Variants in CFAP43 observed in about 807,000 individuals in gnomAD.
The protein encoded by CFAP43 is cilia- and flagella-associated protein 43.
CFAP43 carries 155 observed loss-of-function variants against 218.9 expected under a neutral mutation model. The observed-to-expected ratio is 0.71, with a 90% CI of 0.62 to 0.81. The LOEUF (loss-of-function observed/expected upper bound fraction) is 0.81, where lower values mean the gene tolerates loss of function less well. CFAP43 is among the 30% of genes least tolerant of loss of function. CFAP43 has a pLI of 0.00. For missense variants in CFAP43, 1,778 were observed against 1,954.3 expected (o/e 0.91, Z 1.70); for synonymous variants, 645 against 681.3 (o/e 0.95, Z 0.83).
At chr10:104,176,915 TA>T (rs2089650934) in intron 19 of CFAP43, among the ~76,000 whole-genome samples, 1 of 151,906 alleles carries the variant, frequency 6.6e-6, no homozygotes, top group South Asian at 2.1e-4. Flanking sequence ...AAATAAAAAA[TA>T]AAAATAAAGA....
intron 11 of CFAP43, 21 bp from the exon 12 acceptor site, chr10:104,192,323 T>A: frequency 6.4e-7 from 1 of 1,563,680 alleles, no homozygotes; most frequent in Non-Finnish European, 8.8e-7. Context: ...AGAAATCTGA[T>A]GATCAAATCC....
intron 22 of CFAP43, 139 bp from the exon 23 acceptor site, chr10:104,166,857 A>G: frequency 4.3e-6 from 3 of 705,580 alleles, no homozygotes; most frequent in Non-Finnish European, 4.7e-6. Flanking sequence ...CGAAGTGATG[A>G]ATAGATCCCA....
chr10:104,231,260 A>G (rs2135023564), intron 1 of CFAP43, among the ~76,000 whole-genome samples: 1 of 152,376 alleles, frequency 6.6e-6, no homozygotes, highest in South Asian at 2.1e-4. Flanking sequence ...AAACTTTAAA[A>G]AACAACTTTG....
intron 34 of CFAP43, among the ~76,000 whole-genome samples, chr10:104,134,045 C>CT (rs949986612): frequency 7.9e-4 from 120 of 152,020 alleles, no homozygotes; most frequent in African/African-American, 2.7e-3. Context: ...TAGGCAGGAA[C>CT]TTTTTTTTGC....
chr10:104,161,835 G>A (rs796550939), intron 26 of CFAP43, 126 bp downstream of exon 26: 1 of 799,604 alleles, frequency 1.3e-6, no homozygotes, highest in African/African-American at 1.7e-5. Flanking sequence ...AGGTACTACG[G>A]AGGTTGTATA....
chr10:104,214,824 G>A (rs968572499), intron 3 of CFAP43, among the ~76,000 whole-genome samples: 4 of 152,136 alleles, frequency 2.6e-5, no homozygotes, highest in Non-Finnish European at 4.4e-5. Context: ...GATGCCAATT[G>A]ATCATTTATT....
chr10:104,198,061 G>C, intron 8 of CFAP43, 23 bp from the exon 9 acceptor site: 1 of 1,374,432 alleles, frequency 7.3e-7, no homozygotes, highest in Non-Finnish European at 1.0e-6. Context: ...CAAAAGAAAA[G>C]AAACACATTG....
rs770673040 is a variant in CFAP43 at position 104,179,052 on chromosome 10, CTTGTT to C, written c.2432_2436del (p.Lys811ArgfsTer17). The C allele has an allele frequency of 6.2e-7, 1 of 1,612,804 alleles. No homozygotes were observed. Among genetic ancestry groups the C allele is most frequent in the South Asian group, 1.1e-5 (1 of 90,980 alleles). ...ACAGTTTTGGAAAGTGATTTGATTC[CTTGTT>C]TTATCTCTTTCCTTTTCTTGGAAAA... On this transcript the variant is annotated frameshift_variant, in exon 19 of 38. Transcript: ENST00000357060. LOFTEE classifies it high-confidence loss of function.
chr10:104,207,763 T>C lies in CFAP43; in HGVS notation c.797A>G (p.Asp266Gly). 6.2e-7 allele frequency: 1 copy of C among 1,614,190 alleles called. No individual in the cohort carries two copies. Among genetic ancestry groups the C allele is most frequent in the Non-Finnish European group, 8.5e-7 (1 of 1,180,020 alleles). Residue 266 changes from aspartate to glycine, a missense_variant, in exon 6 of 38, where the codon GAC becomes GGC. Transcript: ENST00000357060. ...PTMHCWTPTS[D>G]LYIGCEEGHL... ...ACCCTCTTCACAGCCAATGTACAAG[T>C]CACTTGTTGGAGTCCAGCAATGCAT...
At chr10:104,229,674 A>G (rs905209004) in intron 2 of CFAP43, among the ~76,000 whole-genome samples, 3 of 152,108 alleles carry the variant, frequency 2.0e-5, no homozygotes, top group Non-Finnish European at 2.9e-5. Context: ...AATAAAATAA[A>G]TAAAATAAAC....
At chr10:104,162,201 G>A (rs2088911452) in intron 25 of CFAP43, 116 bp downstream of exon 25, 1 of 1,227,192 alleles carries the variant, frequency 8.1e-7, no homozygotes, top group African/African-American at 1.5e-5. Flanking sequence ...GGCCAACTGA[G>A]ATTCAAGTGA....
chr10:104,217,202 A>C (rs2091035166), intron 3 of CFAP43, among the ~76,000 whole-genome samples: 1 of 152,190 alleles, frequency 6.6e-6, no homozygotes, highest in Non-Finnish European at 1.5e-5. Flanking sequence ...GCCACTCACA[A>C]TGAGGACCTA....
chr10:104,213,786 C>T (rs1477025513), intron 4 of CFAP43, among the ~76,000 whole-genome samples: 3 of 152,172 alleles, frequency 2.0e-5, no homozygotes, highest in Non-Finnish European at 2.9e-5. Flanking sequence ...CCGCCTGCCT[C>T]GGCCTCCCAG....
At chr10:104,206,920 T>C (rs542967609) in intron 6 of CFAP43, among the ~76,000 whole-genome samples, 94 of 152,280 alleles carry the variant, frequency 6.2e-4, no homozygotes, top group Non-Finnish European at 1.1e-3. Context: ...CTGCCTGTAA[T>C]CCCAGCACTT....
At chr10:104,133,444 A>G in intron 35 of CFAP43, 176 bp downstream of exon 35, 1 of 622,404 alleles carries the variant, frequency 1.6e-6, no homozygotes. Flanking sequence ...GTCATGAAGA[A>G]CTGGAGGCTG....
rs781759663 is a variant in CFAP43, at chr10:104,179,879, A to C, written c.2343T>G (p.Val781=). 1.9e-6 allele frequency: 3 copies of C among 1,613,742 alleles called. No individual in the cohort carries two copies. In the African/African-American group the frequency reaches 4.0e-5, roughly 22 times the overall value. Residue 781 remains valine (V), a synonymous_variant, in exon 18 of 38, where the codon GTT becomes GTG. Coordinates refer to ENST00000357060, the MANE Select transcript of CFAP43 (RefSeq NM_025145.7). The part of the protein sequence containing the change: ...LSQDELVLTD[V]KKEIPWIQQK... ...GTTGTATCCAAGGAATTTCCTTCTT[A>C]ACATCGGTTAGAACTAATTCATCTT...
intron 20 of CFAP43, among the ~76,000 whole-genome samples, chr10:104,171,459 C>T (rs1343937223): frequency 1.3e-5 from 2 of 152,170 alleles, no homozygotes; most frequent in African/African-American, 4.8e-5. Context: ...TTATCAGGAC[C>T]AAGTCCTGGG....
chr10:104,160,390 T>C (rs536435069), intron 27 of CFAP43, among the ~76,000 whole-genome samples: 1 of 152,358 alleles, frequency 6.6e-6, no homozygotes, highest in South Asian at 2.1e-4. Context: ...ATACAGCCAC[T>C]AGCAAGCTGG....
chr10:104,182,561 A>G, intron 16 of CFAP43, 48 bp from the exon 17 acceptor site: 1 of 1,503,790 alleles, frequency 6.6e-7, no homozygotes, highest in Non-Finnish European at 8.8e-7. Context: ...ATCATAATTT[A>G]AAAAATCACA....
Sources: gnomAD v4.1 joint callset for allele counts (sites outside exome capture counted in the v4.1 genomes callset) on GRCh38, gnomAD v4.1.1 for gene constraint, MANE v1.5 for transcripts, NCBI Gene and HGNC (gene_info 2026-07-23, HGNC 2026-07-21) for gene names.